The following LRP2 variants were observed in gnomAD, a reference collection of about 807,000 sequenced individuals.
LRP2 encodes the protein low-density lipoprotein receptor-related protein 2.
Under a neutral mutation model 531.0 loss-of-function variants are expected in LRP2, and 172 were observed. That is an observed-to-expected ratio of 0.32 (90% CI 0.29 to 0.37). The LOEUF is 0.37. Among genes scored for constraint, LRP2 ranks in the 10% least tolerant of loss-of-function variants. The probability of loss-of-function intolerance (pLI) is 1.00; values close to 1 mark genes in which losing one functional copy is unlikely to be tolerated. For missense variants in LRP2, 5,167 were observed against 5,868.3 expected (o/e 0.88, Z 3.90); for synonymous variants, 1,992 against 2,027.6 (o/e 0.98, Z 0.47).
intron 29 of LRP2, among the ~76,000 whole-genome samples, chr2:169,235,287 T>C (rs1454447990): frequency 6.6e-6 from 1 of 150,706 alleles, no homozygotes; most frequent in East Asian, 1.9e-4. Context: ...TCACCTAGGC[T>C]GGAGTGCAGT....
intron 1 of LRP2, among the ~76,000 whole-genome samples, chr2:169,338,396 G>A (rs1166630177): frequency 8.1e-6 from 1 of 123,298 alleles, no homozygotes; most frequent in South Asian, 2.5e-4. Flanking sequence ...AAGAAAGAAA[G>A]AAAGAAAGAA....
chr2:169,263,230 C>A lies in LRP2; in HGVS notation c.2321-4013G>T, dbSNP rs376554275. Among the ~76,000 whole-genome samples, 26 of 152,074 alleles carry A rather than the reference C, an allele frequency of 1.7e-4. No individual in the cohort carries two copies. In the South Asian group the frequency reaches 3.3e-3, roughly 19 times the overall value. ...ACACCAAAAGCAATGGCAACAAAAG[C>A]CAAAATTGACAAATGGGATCTAATT... On this transcript the variant is annotated intron_variant, in intron 16 of 78. Transcript: ENST00000649046.
Position 169,212,212 on chromosome 2 carries a change from A to T in LRP2, c.6041-5T>A. On this transcript the variant is annotated splice_region_variant and splice_polypyrimidine_tract_variant and intron_variant, in intron 36 of 78. Coordinates refer to ENST00000649046, the MANE Select transcript of LRP2 (RefSeq NM_004525.3). ...CATTTGAGGATTCGGCGGCATCTAA[A>T]TGAAAACAAAATCCATTTGTAACTT... is the stretch of plus-strand genomic sequence containing the variant. 6.2e-7 allele frequency: 1 copy of T among 1,613,992 alleles called. No individual in the cohort carries two copies. Among genetic ancestry groups the T allele is most frequent in the South Asian group, 1.1e-5 (1 of 91,078 alleles).
At chr2:169,157,591 A>G in intron 63 of LRP2, 89 bp from the exon 64 acceptor site, 1 of 1,439,610 alleles carries the variant, frequency 6.9e-7, no homozygotes, top group Non-Finnish European at 9.7e-7. Context: ...CTCGTAACCA[A>G]CTATAGGACA....
intron 38 of LRP2, among the ~76,000 whole-genome samples, chr2:169,207,892 T>C (rs1688452359): frequency 6.6e-6 from 1 of 152,218 alleles, no homozygotes; most frequent in Admixed American, 6.5e-5. Context: ...AATTATTGAT[T>C]TCATGTAGTT....
intron 33 of LRP2, among the ~76,000 whole-genome samples, chr2:169,223,064 A>T (rs1689075407): frequency 6.6e-6 from 1 of 152,226 alleles, no homozygotes; most frequent in Admixed American, 6.5e-5. Flanking sequence ...ATGTTTATTC[A>T]TCTTAGGATA....
intron 29 of LRP2, 27 bp from the exon 30 acceptor site, chr2:169,233,615 C>A (rs541610129): frequency 6.2e-7 from 1 of 1,611,498 alleles, no homozygotes; most frequent in African/African-American, 1.3e-5. Context: ...AACAGTGAGA[C>A]CTCATCCAAA....
intron 72 of LRP2, 161 bp from the exon 73 acceptor site, chr2:169,139,771 A>G (rs1685653487): frequency 1.4e-6 from 1 of 718,654 alleles, no homozygotes; most frequent in Non-Finnish European, 2.5e-6. Flanking sequence ...CCAAGAGAAG[A>G]CAAGCAGAAA....
chr2:169,299,644 C>G (rs1684238419), intron 4 of LRP2, among the ~76,000 whole-genome samples: 1 of 151,764 alleles, frequency 6.6e-6, no homozygotes, highest in South Asian at 2.1e-4. Context: ...AAGTAAGATG[C>G]CTTCTAAGGG....
intron 8 of LRP2, among the ~76,000 whole-genome samples, chr2:169,290,603 G>T (rs1683974642): frequency 1.3e-5 from 2 of 152,092 alleles, no homozygotes; most frequent in Non-Finnish European, 2.9e-5. Context: ...GGTCAACAAG[G>T]CTAGGCTAGC....
chr2:169,355,132 T>C (rs1436366600), intron 1 of LRP2, among the ~76,000 whole-genome samples: 1 of 152,228 alleles, frequency 6.6e-6, no homozygotes, highest in Non-Finnish European at 1.5e-5. Flanking sequence ...AAGAAAACTT[T>C]AGGATCCAAA....
intron 7 of LRP2, among the ~76,000 whole-genome samples, chr2:169,291,978 G>T (rs1684009164): frequency 6.6e-6 from 1 of 152,182 alleles, no homozygotes; most frequent in African/African-American, 2.4e-5. Context: ...CTGGGGTATA[G>T]AAGAGACAGA....
chr2:169,295,210 C>T (rs1237939374), intron 4 of LRP2, among the ~76,000 whole-genome samples: 2 of 152,178 alleles, frequency 1.3e-5, no homozygotes, highest in African/African-American at 2.4e-5. Context: ...GGAGCCCTGG[C>T]GGCCCAGAGG....
intron 77 of LRP2, among the ~76,000 whole-genome samples, chr2:169,131,306 T>C (rs947561434): frequency 6.7e-5 from 10 of 150,164 alleles, no homozygotes; most frequent in Non-Finnish European, 1.3e-4. Flanking sequence ...GAAGAAGAAA[T>C]AAGGGAATTT....
chr2:169,264,055 A>C (rs1446279135), intron 16 of LRP2, among the ~76,000 whole-genome samples: 2 of 152,082 alleles, frequency 1.3e-5, no homozygotes, highest in African/African-American at 2.4e-5. Context: ...ATGAGAACAC[A>C]TGGACACAGG....
At chr2:169,197,825 A>G (rs1184687242) in intron 45 of LRP2, among the ~76,000 whole-genome samples, 2 of 152,206 alleles carry the variant, frequency 1.3e-5, no homozygotes, top group Non-Finnish European at 2.9e-5. Context: ...TTATTACAAC[A>G]GATTCCTCTT....
intron 6 of LRP2, among the ~76,000 whole-genome samples, chr2:169,293,339 G>C (rs1290036424): frequency 6.6e-6 from 1 of 152,214 alleles, no homozygotes; most frequent in Non-Finnish European, 1.5e-5. Context: ...TAAAAGCAAG[G>C]TCAGCGTGAA....
At chr2:169,314,333 C>T (rs1467513017) in intron 3 of LRP2, among the ~76,000 whole-genome samples, 2 of 151,452 alleles carry the variant, frequency 1.3e-5, no homozygotes, top group African/African-American at 2.4e-5. Context: ...ATCACTTGAG[C>T]CAAAAAAAAC....
intron 3 of LRP2, among the ~76,000 whole-genome samples, chr2:169,316,141 C>CAAAA (rs34270545): frequency 7.8e-6 from 1 of 128,662 alleles, no homozygotes; most frequent in African/African-American, 2.8e-5. Context: ...GACCCTGTCT[C>CAAAA]AAAAAAAAAA....
Sources: gnomAD v4.1 joint callset for allele counts (sites outside exome capture counted in the v4.1 genomes callset) on GRCh38, gnomAD v4.1.1 for gene constraint, MANE v1.5 for transcripts, NCBI Gene and HGNC (gene_info 2026-07-23, HGNC 2026-07-21) for gene names.